Variants in SUMF1 observed in about 807,000 individuals in gnomAD.
The protein encoded by SUMF1 is sulfatase modifying factor 1.
A neutral mutation model predicts 47.6 loss-of-function variants in SUMF1; 48 were observed. The ratio of observed to expected loss-of-function variants is 1.01; its 90% CI spans 0.80 to 1.28. SUMF1 has a LOEUF of 1.28. Ranked by LOEUF, SUMF1 falls within the 50% of genes most tolerant of loss-of-function variation. SUMF1 has a pLI of 0.00. For missense variants in SUMF1, 571 were observed against 485.4 expected (o/e 1.18, Z -1.66); for synonymous variants, 230 against 192.1 (o/e 1.20, Z -1.63).
chr3:4,144,060 G>A (rs147182971), intron 8 of SUMF1, among the ~76,000 whole-genome samples: 139 of 148,420 alleles, frequency 9.4e-4, no homozygotes, highest in African/African-American at 3.3e-3. Context: ...GCCCGATCTC[G>A]GCTCTCTGCA....
At chr3:4,064,120 C>T (rs375248460) in intron 9 of SUMF1, among the ~76,000 whole-genome samples, 6 of 152,150 alleles carry the variant, frequency 3.9e-5, no homozygotes, top group Admixed American at 2.0e-4. Flanking sequence ...CCTACTGAGC[C>T]GCATTCCCCA....
At chr3:4,367,038 T>C (rs1281093198) in intron 8 of SUMF1, among the ~76,000 whole-genome samples, 1 of 152,154 alleles carries the variant, frequency 6.6e-6, no homozygotes, top group Non-Finnish European at 1.5e-5. Flanking sequence ...AGCAGATTTT[T>C]GTGAACCGCG....
chr3:4,129,790 C>T (rs987698964), intron 8 of SUMF1, among the ~76,000 whole-genome samples: 1 of 152,062 alleles, frequency 6.6e-6, no homozygotes, highest in Non-Finnish European at 1.5e-5. Flanking sequence ...AAAGTAGGGG[C>T]TTATGGAGCT....
intron 9 of SUMF1, among the ~76,000 whole-genome samples, chr3:4,061,800 AGGTTACAGTCT>A (rs1695280319): frequency 6.6e-6 from 1 of 152,144 alleles, no homozygotes; most frequent in Non-Finnish European, 1.5e-5. Flanking sequence ...GTACAAGAGT[AGGTTACAGTCT>A]GTTTACACAT....
At chr3:4,077,779 C>A (rs1692471998) in intron 8 of SUMF1, among the ~76,000 whole-genome samples, 1 of 152,070 alleles carries the variant, frequency 6.6e-6, no homozygotes, top group Admixed American at 6.5e-5. Flanking sequence ...ACGTTGTGCA[C>A]ATGCACCCCA....
chr3:4,205,427 A>C (rs374033390), intron 8 of SUMF1, among the ~76,000 whole-genome samples: 2 of 152,254 alleles, frequency 1.3e-5, no homozygotes, highest in East Asian at 3.9e-4. Context: ...TGGTCTCTTC[A>C]CACGGACACA....
intron 8 of SUMF1, among the ~76,000 whole-genome samples, chr3:4,354,715 T>C (rs1575123385): frequency 6.6e-6 from 1 of 152,208 alleles, no homozygotes; most frequent in Admixed American, 6.5e-5. Context: ...CATTTTGTCC[T>C]CTTCTCTGTG....
chr3:4,242,525 G>C (rs1008722836), intron 8 of SUMF1, among the ~76,000 whole-genome samples: 1 of 152,182 alleles, frequency 6.6e-6, no homozygotes, highest in African/African-American at 2.4e-5. Context: ...CATCTATTGA[G>C]ATAATCATGT....
chr3:4,270,393 T>C (rs1697279587), intron 8 of SUMF1, among the ~76,000 whole-genome samples: 1 of 151,956 alleles, frequency 6.6e-6, no homozygotes, highest in Non-Finnish European at 1.5e-5. Flanking sequence ...CTCTTCTCTC[T>C]TTGCTCTCTC....
rs560081221 is a variant in SUMF1 at position 4,442,506 on chromosome 3, G to A, written c.519+6760C>T. On this transcript the variant is annotated intron_variant, in intron 3 of 8. Transcript: ENST00000272902. ...GATCTCCTGACCTCGTGATCCGCCC[G>A]CCTCGGCCTCCCCACCATGAACTCT... 6.6e-5 allele frequency among the ~76,000 whole-genome samples: 10 copies of A among 151,730 alleles called. No individual in the cohort carries two copies. In the East Asian group the frequency reaches 1.9e-3, roughly 29 times the overall value.
At chr3:4,099,226 G>A (rs141685439) in intron 8 of SUMF1, among the ~76,000 whole-genome samples, 80 of 152,110 alleles carry the variant, frequency 5.3e-4, no homozygotes, top group African/African-American at 1.7e-3. Context: ...TCCCCACTCC[G>A]TACACCAGCA....
At chr3:4,072,309 C>G (rs1695546693) in intron 8 of SUMF1, among the ~76,000 whole-genome samples, 10 of 152,272 alleles carry the variant, frequency 6.6e-5, no homozygotes, top group Admixed American at 6.5e-4. Flanking sequence ...GACATCCACA[C>G]CAAAACCCCA....
At chr3:4,261,264 A>G (rs1559626494) in intron 8 of SUMF1, among the ~76,000 whole-genome samples, 1 of 152,328 alleles carries the variant, frequency 6.6e-6, no homozygotes, top group East Asian at 1.9e-4. Context: ...AAGGGGAGAG[A>G]AACATTCAGT....
chr3:4,139,253 A>G (rs150389666), intron 8 of SUMF1, among the ~76,000 whole-genome samples: 53 of 152,156 alleles, frequency 3.5e-4, no homozygotes, highest in Non-Finnish European at 5.3e-4. Context: ...AATTTCCAAT[A>G]TATGTCCTCA....
chr3:4,195,322 T>C (rs1187243930), intron 8 of SUMF1, among the ~76,000 whole-genome samples: 2 of 152,066 alleles, frequency 1.3e-5, no homozygotes, highest in African/African-American at 4.8e-5. Context: ...TGCATGTGGG[T>C]CATAACCAAT....
intron 9 of SUMF1, among the ~76,000 whole-genome samples, chr3:4,061,416 G>C (rs952943755): frequency 2.0e-5 from 3 of 151,990 alleles, no homozygotes; most frequent in Admixed American, 2.0e-4. Flanking sequence ...CCTGCTTCCT[G>C]CTGACCAATT....
At chr3:4,462,663 A>G (rs2079844012) in intron 1 of SUMF1, among the ~76,000 whole-genome samples, 1 of 152,216 alleles carries the variant, frequency 6.6e-6, no homozygotes, top group South Asian at 2.1e-4. Flanking sequence ...TTAACATTAA[A>G]AGCTAAAGGC....
intron 8 of SUMF1, among the ~76,000 whole-genome samples, chr3:4,232,678 T>C (rs1237668672): frequency 6.6e-6 from 1 of 152,112 alleles, no homozygotes; most frequent in Non-Finnish European, 1.5e-5. Flanking sequence ...ATTTAATAAA[T>C]TATTCAAGGC....
At chr3:4,260,810 C>G (rs1697069792) in intron 8 of SUMF1, among the ~76,000 whole-genome samples, 1 of 152,062 alleles carries the variant, frequency 6.6e-6, no homozygotes. Flanking sequence ...AATGCCACAC[C>G]CAACCCTCCA....
Sources: gnomAD v4.1 joint callset for allele counts (sites outside exome capture counted in the v4.1 genomes callset) on GRCh38, gnomAD v4.1.1 for gene constraint, MANE v1.5 for transcripts, NCBI Gene and HGNC (gene_info 2026-07-23, HGNC 2026-07-21) for gene names.